MTUS2: variants seen among roughly 807,000 people sequenced by gnomAD.
MTUS2 encodes microtubule associated scaffold protein 2.
A neutral mutation model predicts 114.1 loss-of-function variants in MTUS2; 40 were observed. That is an observed-to-expected ratio of 0.35 (90% CI 0.27 to 0.46). MTUS2 has a LOEUF of 0.46. Among genes scored for constraint, MTUS2 ranks in the 20% least tolerant of loss-of-function variants. MTUS2 has a pLI of 1.00. For missense variants in MTUS2, 1,679 were observed against 1,705.4 expected, an observed-to-expected ratio of 0.98 and a Z score of 0.27; for synonymous variants, 688 against 672.0, an observed-to-expected ratio of 1.02 and a Z score of -0.37.
chr13:29,186,183 C>T (rs924192591), intron 5 of MTUS2, among the ~76,000 whole-genome samples: 1 of 152,202 alleles, frequency 6.6e-6, no homozygotes, highest in Non-Finnish European at 1.5e-5. Flanking sequence ...CACTGCACTC[C>T]TGCCTGGGCA....
In MTUS2 at chr13:29,142,786, G is replaced by A. The variant is rs147213780; in HGVS notation, c.2644+41816G>A. Among the ~76,000 whole-genome samples the A allele has an allele frequency of 2.8e-3, 419 of 152,316 alleles. 2 individuals carry two copies. Among genetic ancestry groups the A allele is most frequent in the African/African-American group, 9.6e-3 (399 of 41,570 alleles). On this transcript the variant is annotated intron_variant, in intron 5 of 15. Coordinates refer to ENST00000612955, the MANE Select transcript of MTUS2 (RefSeq NM_001033602.4). ...GCCCAGGTAGAGCTGGATAGAGTTA[G>A]TCATCAGGTGAATATTGTTCTTGTT...
At chr13:28,960,997 A>G (rs542560228) in intron 2 of MTUS2, among the ~76,000 whole-genome samples, 1 of 152,280 alleles carries the variant, frequency 6.6e-6, no homozygotes, top group South Asian at 2.1e-4. Context: ...ATAATAAATA[A>G]CTCAATGGAT....
intron 5 of MTUS2, among the ~76,000 whole-genome samples, chr13:29,249,145 G>A (rs1897035284): frequency 6.6e-6 from 1 of 151,994 alleles, no homozygotes; most frequent in Non-Finnish European, 1.5e-5. Flanking sequence ...GCACCACTAT[G>A]CCTGGCTAAT....
chr13:29,385,694 G>A (rs1195117751), intron 8 of MTUS2, among the ~76,000 whole-genome samples: 1 of 152,080 alleles, frequency 6.6e-6, no homozygotes, highest in South Asian at 2.1e-4. Context: ...GATTGTCTGG[G>A]TAGAGCTGCA....
At chr13:29,139,798 C>G (rs530032538) in intron 5 of MTUS2, among the ~76,000 whole-genome samples, 1 of 152,304 alleles carries the variant, frequency 6.6e-6, no homozygotes, top group South Asian at 2.1e-4. Context: ...ATTCCTCATT[C>G]TCGTGCTCTT....
chr13:28,938,543 G>C (rs1882050250), intron 2 of MTUS2, among the ~76,000 whole-genome samples: 1 of 147,824 alleles, frequency 6.8e-6, no homozygotes, highest in Non-Finnish European at 1.5e-5. Flanking sequence ...AGATTTTTTA[G>C]GGGTTATAGT....
At chr13:28,902,325 A>G (rs1879694465) in intron 2 of MTUS2, among the ~76,000 whole-genome samples, 2 of 152,124 alleles carry the variant, frequency 1.3e-5, no homozygotes, top group Admixed American at 1.3e-4. Context: ...TTCTTGCCAT[A>G]TTTTGCTGGC....
At chr13:28,896,949 C>G (rs1213732128) in intron 2 of MTUS2, among the ~76,000 whole-genome samples, 1 of 152,174 alleles carries the variant, frequency 6.6e-6, no homozygotes, top group African/African-American at 2.4e-5. Flanking sequence ...CATAAAAACC[C>G]TAGAAGAAAA....
intron 5 of MTUS2, among the ~76,000 whole-genome samples, chr13:29,174,875 A>G (rs898234232): frequency 1.3e-5 from 2 of 152,218 alleles, no homozygotes; most frequent in African/African-American, 4.8e-5. Context: ...CTATTTGCAG[A>G]GTAAATGTAA....
At chr13:28,855,140 A>C (rs531355144) in intron 2 of MTUS2, among the ~76,000 whole-genome samples, 1 of 151,800 alleles carries the variant, frequency 6.6e-6, no homozygotes, top group South Asian at 2.1e-4. Context: ...TAAATATACC[A>C]GTTTTTATTG....
intron 2 of MTUS2, among the ~76,000 whole-genome samples, chr13:28,851,866 T>C (rs1373801272): frequency 1.3e-5 from 2 of 152,128 alleles, no homozygotes; most frequent in African/African-American, 4.8e-5. Context: ...CGGGTGGCAT[T>C]GTAGGTGTGT....
chr13:29,250,896 T>TAGAGC, intron 5 of MTUS2, among the ~76,000 whole-genome samples: 1 of 152,272 alleles, frequency 6.6e-6, no homozygotes, highest in Middle Eastern at 3.4e-3. Flanking sequence ...GCAGTCCCCA[T>TAGAGC]AGAGCAGAGC....
chr13:29,314,371 T>C (rs1252672313), intron 6 of MTUS2, among the ~76,000 whole-genome samples: 4 of 152,182 alleles, frequency 2.6e-5, no homozygotes, highest in Admixed American at 6.5e-5. Flanking sequence ...AGGCAGCTAT[T>C]AAACCCAGGG....
intron 5 of MTUS2, among the ~76,000 whole-genome samples, chr13:29,216,480 C>G (rs990779593): frequency 6.6e-6 from 1 of 152,292 alleles, no homozygotes; most frequent in East Asian, 1.9e-4. Context: ...CTATTTTGTG[C>G]TTGAAACCCA....
intron 2 of MTUS2, among the ~76,000 whole-genome samples, chr13:28,857,695 A>G (rs1321550093): frequency 5.3e-5 from 8 of 152,356 alleles, no homozygotes; most frequent in Middle Eastern, 3.4e-3. Context: ...GATGATCACT[A>G]TGTAAGAAAG....
At chr13:28,896,044 T>C (rs1387002111) in intron 2 of MTUS2, among the ~76,000 whole-genome samples, 2 of 152,158 alleles carry the variant, frequency 1.3e-5, no homozygotes, top group Non-Finnish European at 2.9e-5. Context: ...AATTAACATT[T>C]TTATCGGCAG....
Position 29,359,291 on chromosome 13 carries a change from C to T in MTUS2, c.2935C>T (p.Arg979Ter), listed in dbSNP as rs752848300. The T allele has an allele frequency of 1.9e-6, 3 of 1,605,602 alleles. No individual in the cohort carries two copies. The highest frequency in any genetic ancestry group is 1.1e-5 in the South Asian group (1 of 89,550). ...GYPKQRTAAA[R>*]NGFPPKPDPQ... ...CCCAAAGCAGAGGACTGCGGCAGCT[C>T]GAAATGGGTTTCCGCCCAAGCCGGA... The change falls in exon 8 of 16, where the codon CGA becomes TGA. Residue 979 changes from arginine to a stop codon, truncating the protein, a stop_gained. Transcript: ENST00000612955. LOFTEE classifies it high-confidence loss of function.
At chr13:29,064,890 T>C (rs1888593834) in intron 4 of MTUS2, among the ~76,000 whole-genome samples, 1 of 152,204 alleles carries the variant, frequency 6.6e-6, no homozygotes, top group Admixed American at 6.5e-5. Flanking sequence ...TTGGTTTCTG[T>C]TGCTGTGTTA....
Position 29,389,256 on chromosome 13 carries a change from C to CATATGTGTGTATATGTGTATATATGTAT in MTUS2, c.3117+29784_3117+29785insTATGTGTGTATATGTGTATATATGTATA, listed in dbSNP as rs1251908673. 4.3e-5 allele frequency among the ~76,000 whole-genome samples: 6 copies of CATATGTGTGTATATGTGTATATATGTAT among 138,776 alleles called. No individual in the cohort carries two copies. The East Asian group carries it at 9.9e-4, about 23-fold the overall frequency. The allele number at this position is 138,776 out of a possible 152,430, so 91.0% of individuals were successfully genotyped here. ...ATGTATGTGTGTATATATATGTATA[C>CATATGTGTGTATATGTGTATATATGTAT]ACATGTGTGTATATATGTATATATG... is the stretch of plus-strand genomic sequence containing the variant. On this transcript the variant is annotated intron_variant, in intron 8 of 15. Transcript: ENST00000612955.
Sources: allele counts gnomAD v4.1 joint callset (sites outside exome capture counted in the v4.1 genomes callset), GRCh38; gene constraint gnomAD v4.1.1; transcripts MANE v1.5; gene names NCBI Gene and HGNC (gene_info 2026-07-23, HGNC 2026-07-21).